KCTD2: variants seen among roughly 807,000 people sequenced by gnomAD.
The protein encoded by KCTD2 is BTB/POZ domain-containing protein KCTD2.
Under a neutral mutation model 27.9 loss-of-function variants are expected in KCTD2, and 18 were observed. The observed-to-expected ratio is 0.64, with a 90% CI of 0.45 to 0.96. KCTD2 has a LOEUF of 0.96. Among genes scored for constraint, KCTD2 ranks in the 40% least tolerant of loss-of-function variants. The probability of loss-of-function intolerance (pLI) is 0.00; values close to 1 mark genes in which losing one functional copy is unlikely to be tolerated. For synonymous variants in KCTD2, 175 were observed against 148.4 expected, an observed-to-expected ratio of 1.18 and a Z score of -1.30; for missense variants, 280 against 348.0, an observed-to-expected ratio of 0.80 and a Z score of 1.56.
intron 3 of KCTD2, among the ~76,000 whole-genome samples, chr17:75,057,566 T>C (rs2073361986): frequency 2.1e-5 from 3 of 145,150 alleles, no homozygotes; most frequent in Admixed American, 1.4e-4. Flanking sequence ...TTTTTTTTTT[T>C]TTTTTTTCCT....
At chr17:75,038,840 C>T in intron 3 of KCTD2, 1 of 1,414,060 alleles carries the variant, frequency 7.1e-7, no homozygotes, top group South Asian at 1.4e-5. Flanking sequence ...ATCTCAACCA[C>T]AGAGAAGAAG....
At chr17:75,046,049 C>A (rs1165274156), upstream of KCTD2, among the ~76,000 whole-genome samples, 1 of 152,234 alleles carries the variant, frequency 6.6e-6, no homozygotes, top group African/African-American at 2.4e-5. Flanking sequence ...TGATTTCCCG[C>A]AACATCAGTG....
intron 3 of KCTD2, among the ~76,000 whole-genome samples, chr17:75,058,084 G>T (rs1031734092): frequency 2.0e-5 from 3 of 151,858 alleles, no homozygotes; most frequent in African/African-American, 7.3e-5. Context: ...AGCACTTTGG[G>T]GGCCCAAGGC....
intron 5 of KCTD2, 53 bp downstream of exon 5, chr17:75,062,298 C>T (rs1598129993): frequency 4.5e-6 from 7 of 1,553,834 alleles, no homozygotes; most frequent in Middle Eastern, 3.5e-4. Context: ...TTCGCACCCC[C>T]TCCGTGGGCT....
At chr17:75,035,273 G>T (rs1485395463) in exon 3 of KCTD2, 2 of 152,066 alleles carry the variant, frequency 1.3e-5, no homozygotes, top group South Asian at 4.1e-4. Context: ...GCGGCTCCCG[G>T]GATCCGAAGC....
In KCTD2 at chr17:75,060,538, T is replaced by A. The variant is rs1005534512; in HGVS notation, c.636+933T>A. 4.3e-6 allele frequency: 7 copies of A among 1,612,732 alleles called. No homozygotes were observed. The African/African-American group carries it at 9.3e-5, about 22-fold the overall frequency. ...CCAAGACCAGCTGCTCTTGATGCCC[T>A]TTTCACTTCTGTGTTGTCCTGGTTG... On this transcript the variant is annotated intron_variant, in intron 4 of 5. Coordinates refer to ENST00000322444, the MANE Select transcript of KCTD2 (RefSeq NM_015353.3).
In KCTD2 at chr17:75,047,403, C is replaced by G. The variant is rs1481510212; in HGVS notation, c.153C>G (p.Val51=). 1.2e-5 allele frequency: 14 copies of G among 1,179,900 alleles called. No individual in the cohort carries two copies. The highest frequency in any genetic ancestry group is 1.5e-5 in the Non-Finnish European group (14 of 954,794). The allele number at this position is 1,179,900 out of a possible 1,614,324, so 73.1% of individuals were successfully genotyped here. Residue 51 remains valine (V), a synonymous_variant, in exon 1 of 6, where the codon GTC becomes GTG. Coordinates refer to ENST00000322444, the MANE Select transcript of KCTD2 (RefSeq NM_015353.3). ...GGCACGGCCGCCCGGCTGCCGCCGT[C>G]GCGCAGCCGCTGGAGCCGGGTCCCG... ...PRGHGRPAAA[V]AQPLEPGPGP... is the part of the protein sequence containing the mutation.
intron 3 of KCTD2, among the ~76,000 whole-genome samples, chr17:75,056,742 G>T (rs560227685): frequency 1.3e-4 from 20 of 152,106 alleles, no homozygotes; most frequent in African/African-American, 4.6e-4. Flanking sequence ...GTGGATTTTC[G>T]TTTTGTTTCA....
At chr17:75,050,171 T>TA (rs1396945391) in intron 2 of KCTD2, among the ~76,000 whole-genome samples, 3 of 152,238 alleles carry the variant, frequency 2.0e-5, no homozygotes, top group Non-Finnish European at 4.4e-5. Flanking sequence ...TTGCATCCAC[T>TA]ATCCAGCTTC....
chr17:75,036,201 G>T (rs973279297), intron 3 of KCTD2: 12 of 304,530 alleles, frequency 3.9e-5, no homozygotes, highest in African/African-American at 2.5e-4. Flanking sequence ...TTACAGGCGT[G>T]AGCCACTGGG....
At chr17:75,059,280 G>A (rs2073380363) in intron 3 of KCTD2, 1 of 352,434 alleles carries the variant, frequency 2.8e-6, no homozygotes, top group Non-Finnish European at 5.1e-6. Context: ...TTATTGAAAA[G>A]CCACAGTATG....
At chr17:75,047,757 A>C (rs1598120166) in intron 1 of KCTD2, among the ~76,000 whole-genome samples, 168 bp downstream of exon 1, 5 of 140,216 alleles carry the variant, frequency 3.6e-5, no homozygotes, top group South Asian at 2.4e-4. Context: ...GGGACCTCCC[A>C]CTCCCCTTCT....
At chr17:75,049,556 C>T (rs1171125533) in intron 2 of KCTD2, among the ~76,000 whole-genome samples, 1 of 152,190 alleles carries the variant, frequency 6.6e-6, no homozygotes, top group African/African-American at 2.4e-5. Flanking sequence ...TAGGTAGCTC[C>T]GCTTTGCAGA....
Position 75,053,730 on chromosome 17 carries a change from A to G in KCTD2, c.540+625A>G, listed in dbSNP as rs561913594. The stretch of plus-strand genomic sequence containing the variant: ...AGTGCTGGGATTACAGGCGTGAGGC[A>G]CTGCGCCCAGCTTGGCCACTCTTTA... On this transcript the variant is annotated intron_variant, in intron 3 of 5. Transcript: ENST00000322444. 7.1e-4 allele frequency among the ~76,000 whole-genome samples: 108 copies of G among 152,186 alleles called. 1 individual carries two copies. The highest frequency in any genetic ancestry group is 1.3e-4 in the Non-Finnish European group (9 of 68,014).
chr17:75,041,347 T>TC (rs2073157711), intron 3 of KCTD2: 1 of 111,832 alleles, frequency 8.9e-6, no homozygotes, highest in African/African-American at 3.6e-5. Context: ...AGAGTGAGAC[T>TC]CCAACTCAAA....
chr17:75,061,784 T>C (rs553822752), intron 4 of KCTD2, among the ~76,000 whole-genome samples: 20 of 152,180 alleles, frequency 1.3e-4, no homozygotes, highest in Admixed American at 7.8e-4. Flanking sequence ...CTGAGGCAAA[T>C]GTCCATTTTG....
At chr17:75,046,624 C>CA (rs2073221045), upstream of KCTD2, among the ~76,000 whole-genome samples, 2 of 152,234 alleles carry the variant, frequency 1.3e-5, no homozygotes, top group African/African-American at 4.8e-5. Flanking sequence ...CCAGTCCCCC[C>CA]ACCAAACTAT....
At chr17:75,037,094 C>T (rs1332565807) in intron 3 of KCTD2, among the ~76,000 whole-genome samples, 1 of 152,178 alleles carries the variant, frequency 6.6e-6, no homozygotes, top group Non-Finnish European at 1.5e-5. Context: ...CCTGAAACCC[C>T]AGCACTTTGG....
intron 3 of KCTD2, among the ~76,000 whole-genome samples, chr17:75,036,960 C>T (rs1159039307): frequency 6.6e-6 from 1 of 152,178 alleles, no homozygotes; most frequent in African/African-American, 2.4e-5. Context: ...CAATCAGGAG[C>T]CATGCACCCA....
Sources: gnomAD v4.1 joint callset for allele counts (sites outside exome capture counted in the v4.1 genomes callset) on GRCh38, gnomAD v4.1.1 for gene constraint, MANE v1.5 for transcripts, NCBI Gene and HGNC (gene_info 2026-07-23, HGNC 2026-07-21) for gene names.